Variants in SYK observed in about 807,000 individuals in gnomAD.
SYK encodes tyrosine-protein kinase SYK.
SYK carries 16 observed loss-of-function variants against 77.8 expected under a neutral mutation model. The ratio of observed to expected loss-of-function variants is 0.21; its 90% confidence interval spans 0.14 to 0.31. SYK has a LOEUF of 0.31. Ranked by LOEUF, SYK falls within the 10% of genes least tolerant of loss-of-function variation. The pLI, the probability that SYK is intolerant of heterozygous loss-of-function variation, is 1.00. For missense variants in SYK, 529 were observed against 814.4 expected, an observed-to-expected ratio of 0.65 and a Z score of 4.26; for synonymous variants, 312 against 308.7, an observed-to-expected ratio of 1.01 and a Z score of -0.11.
intron 11 of SYK, among the ~76,000 whole-genome samples, chr9:90,884,967 A>G (rs76186526): frequency 0.26 from 19,079 of 72,586 alleles, 4,903 homozygotes; most frequent in Middle Eastern, 0.43. Flanking sequence ...ATATATGTGT[A>G]TATATATATA....
intron 6 of SYK, 133 bp from the exon 7 acceptor site, chr9:90,866,998 G>T: frequency 1.1e-6 from 1 of 875,032 alleles, no homozygotes; most frequent in South Asian, 1.5e-5. Context: ...GCCCGTGGTC[G>T]ATCTCATTGG....
At chr9:90,874,636 C>T in intron 8 of SYK, 36 bp from the exon 9 acceptor site, 1 of 1,585,214 alleles carries the variant, frequency 6.3e-7, no homozygotes, top group Non-Finnish European at 8.6e-7. Flanking sequence ...GTGTGGGGTC[C>T]AGCCCCAGGT....
intron 1 of SYK, among the ~76,000 whole-genome samples, chr9:90,804,567 G>T (rs2118234897): frequency 6.6e-6 from 1 of 152,264 alleles, no homozygotes; most frequent in East Asian, 1.9e-4. Flanking sequence ...TTCTGGATTG[G>T]TTTAGCTATA....
chr9:90,826,006 A>G (rs901821525), intron 1 of SYK, among the ~76,000 whole-genome samples: 1 of 152,208 alleles, frequency 6.6e-6, no homozygotes, highest in African/African-American at 2.4e-5. Context: ...TGGAACCCTA[A>G]GAATTTTCAT....
At chr9:90,803,079 T>C (rs117228825) in intron 1 of SYK, among the ~76,000 whole-genome samples, 11 of 152,332 alleles carry the variant, frequency 7.2e-5, no homozygotes, top group Non-Finnish European at 1.5e-4. Context: ...TCAAAAAGGC[T>C]TAAATACATG....
At chr9:90,809,540 T>C (rs1401625020) in intron 1 of SYK, among the ~76,000 whole-genome samples, 1 of 152,228 alleles carries the variant, frequency 6.6e-6, no homozygotes, top group African/African-American at 2.4e-5. Context: ...ATGCCAATTT[T>C]ACTCATCACC....
rs1317601477 is a variant in SYK, at chr9:90,887,640, T to G, written c.1582-109T>G. 3 of 1,229,480 alleles carry G rather than the reference T, an allele frequency of 2.4e-6. No individual in the cohort carries two copies. In the East Asian group the frequency reaches 8.3e-5, roughly 34 times the overall value. The allele number at this position is 1,229,480 out of a possible 1,614,324, so 76.2% of individuals were successfully genotyped here. ...CTGGTCTCAAGCTCCCGATCTCAAG[T>G]GATCTGCTCTCCTCAGCCTCCCAAA... On this transcript the variant is annotated intron_variant, in intron 11 of 13. Coordinates refer to ENST00000375754, the MANE Select transcript of SYK (RefSeq NM_003177.7).
chr9:90,862,398 C>T (rs1054699550), intron 4 of SYK, 54 bp downstream of exon 4: 4 of 1,575,738 alleles, frequency 2.5e-6, no homozygotes, highest in Non-Finnish European at 2.6e-6. Context: ...ACGTGGGGCT[C>T]CTTGTCCCAT....
chr9:90,870,392 T>G (rs1827684165), intron 7 of SYK, among the ~76,000 whole-genome samples: 1 of 152,204 alleles, frequency 6.6e-6, no homozygotes, highest in Non-Finnish European at 1.5e-5. Flanking sequence ...GTCCCAGAAT[T>G]TCCAATTAAA....
At chr9:90,822,076 G>A (rs377356747) in intron 1 of SYK, among the ~76,000 whole-genome samples, 9 of 152,294 alleles carry the variant, frequency 5.9e-5, no homozygotes, top group East Asian at 3.9e-4. Context: ...GAAGCGATGG[G>A]CTACTACTTG....
At position 90,870,793 on chromosome 9, in the gene SYK, C is replaced by A. The variant is rs571026321; in HGVS notation, c.916-3411C>A. ...TTGCAGCCAATATTTCTAAAGCCAG[C>A]TGGCTCTTTTGTCACTATTATTGTG... On this transcript the variant is annotated intron_variant, in intron 7 of 13. Transcript: ENST00000375754. Among the ~76,000 whole-genome samples the A allele has an allele frequency of 6.6e-5, 10 of 152,320 alleles. No homozygotes were observed. In the South Asian group the frequency reaches 2.1e-3, roughly 32 times the overall value.
intron 1 of SYK, among the ~76,000 whole-genome samples, chr9:90,814,342 A>G (rs1245017465): frequency 6.6e-6 from 1 of 152,210 alleles, no homozygotes; most frequent in Non-Finnish European, 1.5e-5. Context: ...CACTGGCCAC[A>G]TGTGGCCACT....
intron 3 of SYK, among the ~76,000 whole-genome samples, chr9:90,854,681 G>GGA (rs1564096702): frequency 6.6e-6 from 1 of 152,088 alleles, no homozygotes; most frequent in Non-Finnish European, 1.5e-5. Context: ...GACCGACGGT[G>GGA]AGTGCAGTTT....
At position 90,877,677 on chromosome 9, in the gene SYK, C is replaced by T. The variant is rs1350208195; in HGVS notation, c.1288C>T (p.Pro430Ser). 1 of 1,614,236 alleles carries T rather than the reference C, an allele frequency of 6.2e-7. No individual in the cohort carries two copies. The highest frequency in any genetic ancestry group is 1.7e-5 in the Admixed American group (1 of 60,026). Residue 430 changes from proline (P) to serine (S), a missense_variant, in exon 10 of 14, where the codon CCG (proline) becomes TCG (serine). Physicochemically the swap from Pro to Ser is moderately conservative, Grantham distance 74. Transcript: ENST00000375754. ...AAATGTCATGCAGCAGCTGGACAAC[C>T]CGTACATCGTGCGGATGATCGGGAT... ...EANVMQQLDN[P>S]YIVRMIGICE...
chr9:90,869,874 G>A (rs191150595), intron 7 of SYK, among the ~76,000 whole-genome samples: 581 of 152,304 alleles, frequency 3.8e-3, no homozygotes, highest in Non-Finnish European at 5.9e-3. Context: ...TTGGGAGGCC[G>A]AGGCAGGTGG....
intron 7 of SYK, among the ~76,000 whole-genome samples, chr9:90,873,148 G>A (rs576738383): frequency 6.9e-4 from 105 of 152,248 alleles, no homozygotes; most frequent in African/African-American, 2.4e-3. Flanking sequence ...TCTGCTTTTG[G>A]TTTCTCGCCT....
At chr9:90,852,536 G>A (rs1308510358) in intron 3 of SYK, among the ~76,000 whole-genome samples, 1 of 152,166 alleles carries the variant, frequency 6.6e-6, no homozygotes, top group Non-Finnish European at 1.5e-5. Flanking sequence ...TTGTTTCTTT[G>A]TATTAAGTGT....
chr9:90,874,829 G>A lies in SYK; in HGVS notation c.1161G>A (p.Lys387=). ...CTGGTAATTTTGGAACTGTGAAAAA[G>A]GGCTACTACCAAATGAAAAAGTAAG... ...LGSGNFGTVK[K]GYYQMKKVVK... Residue 387 remains lysine, a synonymous_variant, in exon 9 of 14, where the codon AAG becomes AAA. Transcript: ENST00000375754. 1.8e-5 allele frequency: 29 copies of A among 1,614,006 alleles called. No homozygotes were observed. The highest frequency in any genetic ancestry group is 2.5e-5 in the Non-Finnish European group (29 of 1,179,948).
chr9:90,851,285 G>A (rs1057314948), intron 3 of SYK, among the ~76,000 whole-genome samples: 2 of 152,176 alleles, frequency 1.3e-5, no homozygotes, highest in African/African-American at 4.8e-5. Context: ...AACACACAGA[G>A]GCGTCCATCA....
Sources: allele counts gnomAD v4.1 joint callset (sites outside exome capture counted in the v4.1 genomes callset), GRCh38; gene constraint gnomAD v4.1.1; transcripts MANE v1.5; gene names NCBI Gene and HGNC (gene_info 2026-07-23, HGNC 2026-07-21).